ERBB4: variants seen among roughly 807,000 people sequenced by gnomAD.
The protein encoded by ERBB4 is receptor tyrosine-protein kinase erbB-4.
In ERBB4, 42 loss-of-function variants were observed where a neutral mutation model predicts 158.0. The observed-to-expected ratio is 0.27, with a 90% confidence interval of 0.21 to 0.34. The LOEUF (loss-of-function observed/expected upper bound fraction) is 0.34. Among genes scored for constraint, ERBB4 ranks in the 10% least tolerant of loss-of-function variants. ERBB4 has a pLI of 1.00. For synonymous variants in ERBB4, 583 were observed against 558.7 expected (o/e 1.04, Z -0.61); for missense variants, 1,333 against 1,624.1 (o/e 0.82, Z 3.08).
chr2:211,797,857 A>T (rs1042408753), intron 3 of ERBB4, among the ~76,000 whole-genome samples: 3 of 152,168 alleles, frequency 2.0e-5, no homozygotes, highest in Non-Finnish European at 2.9e-5. Flanking sequence ...ATCTGGAGAA[A>T]ATCAGGAAGG....
chr2:212,171,909 A>C (rs911969842), intron 1 of ERBB4, among the ~76,000 whole-genome samples: 18 of 152,300 alleles, frequency 1.2e-4, no homozygotes, highest in African/African-American at 4.3e-4. Context: ...CAAAAGCAAA[A>C]AGTGACAAAC....
At chr2:211,479,545 T>C (rs1480844663) in intron 20 of ERBB4, among the ~76,000 whole-genome samples, 1 of 152,188 alleles carries the variant, frequency 6.6e-6, no homozygotes, top group African/African-American at 2.4e-5. Context: ...GCATGGTGTC[T>C]TATGTACGAG....
At chr2:211,945,456 T>G (rs1377837851) in intron 3 of ERBB4, among the ~76,000 whole-genome samples, 1 of 152,086 alleles carries the variant, frequency 6.6e-6, no homozygotes, top group East Asian at 1.9e-4. Flanking sequence ...CTTCAATTCA[T>G]ACTCAAAAAA....
intron 2 of ERBB4, among the ~76,000 whole-genome samples, chr2:212,048,666 A>C (rs1203111670): frequency 1.3e-5 from 2 of 152,102 alleles, no homozygotes; most frequent in Non-Finnish European, 2.9e-5. Context: ...TTGACTTTGT[A>C]AAGTTTGAGA....
At chr2:211,573,264 T>C (rs1052662185) in intron 19 of ERBB4, among the ~76,000 whole-genome samples, 14 of 152,188 alleles carry the variant, frequency 9.2e-5, no homozygotes, top group African/African-American at 3.1e-4. Context: ...TATTTTTCCC[T>C]AGAGCTTCTG....
At chr2:211,545,237 G>C (rs1490573549) in intron 20 of ERBB4, among the ~76,000 whole-genome samples, 1 of 151,900 alleles carries the variant, frequency 6.6e-6, no homozygotes, top group Non-Finnish European at 1.5e-5. Context: ...AGATAAAGTA[G>C]AAAAGAACAC....
At chr2:212,091,889 T>C (rs76139354) in intron 2 of ERBB4, among the ~76,000 whole-genome samples, 1,984 of 152,328 alleles carry the variant, frequency 0.013, 21 homozygotes, top group Middle Eastern at 0.027. Context: ...TATTACTTTT[T>C]TTTATTCAGA....
intron 1 of ERBB4, among the ~76,000 whole-genome samples, chr2:212,195,295 A>G (rs987205118): frequency 2.0e-5 from 3 of 152,036 alleles, no homozygotes; most frequent in Non-Finnish European, 4.4e-5. Context: ...TACAATTTGC[A>G]TTAGACAGCT....
rs1299851980 is a variant in ERBB4 at position 211,817,627 on chromosome 2, GC to G, written c.422-29469del. 4.6e-5 allele frequency among the ~76,000 whole-genome samples: 7 copies of G among 152,058 alleles called. 1 individual carries two copies. The East Asian group carries it at 1.4e-3, about 29-fold the overall frequency. ...TCTACAGTAATGGAATTTTCACTGG[GC>G]ATATGTTCACCAAACCAAGGCAGTA... On this transcript the variant is annotated intron_variant, in intron 3 of 27. Coordinates refer to ENST00000342788, the MANE Select transcript of ERBB4 (RefSeq NM_005235.3).
At chr2:211,426,062 C>A (rs2125415885) in intron 22 of ERBB4, among the ~76,000 whole-genome samples, 1 of 151,926 alleles carries the variant, frequency 6.6e-6, no homozygotes, top group Non-Finnish European at 1.5e-5. Flanking sequence ...TCTCACATTT[C>A]TAGCAGAACT....
intron 1 of ERBB4, among the ~76,000 whole-genome samples, chr2:212,146,083 C>A (rs766258211): frequency 6.6e-6 from 1 of 152,152 alleles, no homozygotes; most frequent in African/African-American, 2.4e-5. Flanking sequence ...CCTGCAATTT[C>A]ATTTAGTTCC....
At chr2:212,013,765 T>A (rs1480695433) in intron 2 of ERBB4, among the ~76,000 whole-genome samples, 1 of 152,170 alleles carries the variant, frequency 6.6e-6, no homozygotes, top group Non-Finnish European at 1.5e-5. Flanking sequence ...CAAGCAATCC[T>A]CCTGCATCAG....
At chr2:212,418,820 G>A (rs545902821) in intron 1 of ERBB4, among the ~76,000 whole-genome samples, 1 of 151,862 alleles carries the variant, frequency 6.6e-6, no homozygotes, top group African/African-American at 2.4e-5. Context: ...AGATTTTAAT[G>A]TAAGGCAAGA....
At chr2:211,513,756 A>G (rs2065949542) in intron 20 of ERBB4, among the ~76,000 whole-genome samples, 1 of 152,118 alleles carries the variant, frequency 6.6e-6, no homozygotes, top group Non-Finnish European at 1.5e-5. Context: ...TAACAGGAAG[A>G]AGAAATACAA....
intron 4 of ERBB4, among the ~76,000 whole-genome samples, chr2:211,771,782 A>G (rs1366545464): frequency 1.3e-5 from 2 of 152,038 alleles, no homozygotes; most frequent in Admixed American, 1.3e-4. Context: ...ATCAGTTCAT[A>G]CCATGCATGA....
At chr2:211,606,861 G>T (rs1215012788) in intron 19 of ERBB4, among the ~76,000 whole-genome samples, 1 of 152,114 alleles carries the variant, frequency 6.6e-6, no homozygotes, top group Non-Finnish European at 1.5e-5. Flanking sequence ...TGGGTGCATT[G>T]TTTTAATCAC....
chr2:212,299,738 C>T (rs1232082989), intron 1 of ERBB4, among the ~76,000 whole-genome samples: 2 of 151,528 alleles, frequency 1.3e-5, no homozygotes, highest in Non-Finnish European at 3.0e-5. Flanking sequence ...CACTAATGAG[C>T]AGCGATAGCC....
rs761985910 is a variant in ERBB4, at chr2:211,383,867, G to A, written c.3675C>T (p.Asn1225=). The change falls in exon 28 of 28, where the codon AAC becomes AAT. Residue 1225 remains asparagine, a synonymous_variant. Transcript: ENST00000342788. ...TGGCCTTCTCTGGCATTGACAGTATGTTGTTCTTCAGGTACTCAGCTTTTC... is the reference window on the plus strand; with the variant it reads ...TGGCCTTCTCTGGCATTGACAGTATATTGTTCTTCAGGTACTCAGCTTTTC... ...TLGKAEYLKN[N]ILSMPEKAKK... 1 of 1,614,156 alleles carries A rather than the reference G, an allele frequency of 6.2e-7. No homozygotes were observed. The highest frequency in any genetic ancestry group is 2.2e-5 in the East Asian group (1 of 44,874).
rs1559701396 is a variant in ERBB4 at position 212,191,571 on chromosome 2, TGTGTTATGCCTGTTATATATAAC to T, written c.83-66691_83-66669del. On this transcript the variant is annotated intron_variant, in intron 1 of 27. Transcript: ENST00000342788. ...TGTTATGCCTGTTATATATAACACA[TGTGTTATGCCTGTTATATATAAC>T]ACATGTGTTATGCCTGTTATATATA... Among the ~76,000 whole-genome samples, 443 of 139,884 alleles carry T rather than the reference TGTGTTATGCCTGTTATATATAAC, an allele frequency of 3.2e-3. 4 individuals are homozygous for T. Among genetic ancestry groups the T allele is most frequent in the Non-Finnish European group, 4.6e-3 (291 of 63,880 alleles). 91.8% of individuals were successfully genotyped at this position (139,884 alleles called of 152,430 possible). A position where few individuals can be genotyped will look rare whatever the true frequency, so the allele number is the denominator to read the frequency against.
Sources: gnomAD v4.1 joint callset for allele counts (sites outside exome capture counted in the v4.1 genomes callset) on GRCh38, gnomAD v4.1.1 for gene constraint, MANE v1.5 for transcripts, NCBI Gene and HGNC (gene_info 2026-07-23, HGNC 2026-07-21) for gene names.